The following VTA1 variants were observed in gnomAD, a reference collection of about 807,000 sequenced individuals.
VTA1 encodes vacuolar protein sorting-associated protein VTA1 homolog.
In VTA1, 24 loss-of-function variants were observed where a neutral mutation model predicts 36.9. The ratio of observed to expected loss-of-function variants is 0.65; its 90% CI spans 0.47 to 0.91. The LOEUF is 0.91. VTA1 is among the 40% of genes least tolerant of loss of function. VTA1 has a pLI of 0.00. For missense variants in VTA1, 393 were observed against 377.2 expected, an observed-to-expected ratio of 1.04 and a Z score of -0.35; for synonymous variants, 142 against 130.2, an observed-to-expected ratio of 1.09 and a Z score of -0.62.
At chr6:142,160,413 A>G (rs1245690592) in intron 1 of VTA1, among the ~76,000 whole-genome samples, 1 of 152,156 alleles carries the variant, frequency 6.6e-6, no homozygotes, top group African/African-American at 2.4e-5. Flanking sequence ...CCTGCACACC[A>G]TATGTTAGTA....
intron 5 of VTA1, among the ~76,000 whole-genome samples, chr6:142,197,045 A>G (rs1775565341): frequency 6.6e-6 from 1 of 152,166 alleles, no homozygotes; most frequent in African/African-American, 2.4e-5. Context: ...GACTGCCCTC[A>G]GATGAACAGC....
intron 5 of VTA1, among the ~76,000 whole-genome samples, chr6:142,195,197 T>C (rs576684095): frequency 6.6e-4 from 100 of 152,270 alleles, no homozygotes; most frequent in African/African-American, 2.3e-3. Context: ...AATTCACTGC[T>C]TATTCCATCT....
intron 1 of VTA1, among the ~76,000 whole-genome samples, chr6:142,159,043 G>T (rs939334172): frequency 6.6e-6 from 1 of 151,894 alleles, no homozygotes; most frequent in Non-Finnish European, 1.5e-5. Context: ...ATCATTTTCA[G>T]TACTCATCAA....
intron 1 of VTA1, among the ~76,000 whole-genome samples, chr6:142,153,046 A>G (rs1778596978): frequency 6.6e-6 from 1 of 152,096 alleles, no homozygotes; most frequent in Admixed American, 6.5e-5. Flanking sequence ...GCCCCTCATC[A>G]CATGTGTTAT....
intron 7 of VTA1, among the ~76,000 whole-genome samples, chr6:142,213,998 G>C (rs1349373908): frequency 6.6e-6 from 1 of 151,998 alleles, no homozygotes; most frequent in African/African-American, 2.4e-5. Context: ...CAGAAAACAG[G>C]GTTTTTTTTT....
chr6:142,189,496 C>T lies in VTA1; in HGVS notation c.482C>T (p.Thr161Ile). ...YIHNCLKNGE[T>I]PQAGPVGIEE... is the part of the protein sequence containing the mutation. ...CATAATTGTTTAAAGAATGGGGAGA[C>T]TCCTCAAGCAGGCCCTGTTGGAATT... The change falls in exon 5 of 8, where the codon ACT becomes ATT. Residue 161 changes from threonine (T) to isoleucine (I), a missense_variant. Thr to Ile is a moderately conservative substitution (Grantham distance 89). Coordinates refer to ENST00000367630, the MANE Select transcript of VTA1 (RefSeq NM_016485.5). The T allele has an allele frequency of 6.2e-7, 1 of 1,613,854 alleles. No individual in the cohort carries two copies. The highest frequency in any genetic ancestry group is 8.5e-7 in the Non-Finnish European group (1 of 1,179,894).
At chr6:142,177,559 T>G (rs191597799) in intron 4 of VTA1, among the ~76,000 whole-genome samples, 30 of 152,242 alleles carry the variant, frequency 2.0e-4, no homozygotes, top group Non-Finnish European at 7.4e-5. Context: ...TAGGAAGCCT[T>G]TATGAACTAG....
rs1465051617 is a variant in VTA1 at position 142,222,014 on chromosome 6, A to C, written c.*3371A>C. The C allele has an allele frequency of 6.6e-6, 1 of 151,658 alleles. No individual in the cohort carries two copies. The highest frequency in any genetic ancestry group is 1.5e-5 in the Non-Finnish European group (1 of 67,936). The allele number at this position is 151,658 out of a possible 1,614,324, so 9.4% of individuals were successfully genotyped here. A position where few individuals can be genotyped will look rare whatever the true frequency, so the allele number is the denominator to read the frequency against. On this transcript the variant is annotated 3_prime_UTR_variant, in exon 8 of 8. Transcript: ENST00000367630. Reference sequence around the variant, plus strand: ...ACAATAATCAAGGTGAGATATTATGATGTCTTAGTCCAGGAGTAGCCTTGG... The same window carrying C: ...ACAATAATCAAGGTGAGATATTATGCTGTCTTAGTCCAGGAGTAGCCTTGG...
chr6:142,173,762 G>C (rs1392578757), intron 4 of VTA1, among the ~76,000 whole-genome samples: 2 of 152,056 alleles, frequency 1.3e-5, no homozygotes, highest in African/African-American at 2.4e-5. Context: ...GAATAATCTA[G>C]GTTTACTTTT....
intron 7 of VTA1, among the ~76,000 whole-genome samples, chr6:142,211,686 G>C (rs1242632862): frequency 5.4e-5 from 8 of 149,136 alleles, no homozygotes; most frequent in Non-Finnish European, 1.2e-4. Flanking sequence ...AGTCCGGCCT[G>C]GGCGAAAGAG....
chr6:142,147,746 C>T (rs897428720), intron 1 of VTA1, among the ~76,000 whole-genome samples: 6 of 152,098 alleles, frequency 3.9e-5, no homozygotes, highest in Non-Finnish European at 8.8e-5. Context: ...AGGTTTAAAA[C>T]GAAGGTGAGT....
chr6:142,204,932 C>T, intron 7 of VTA1, among the ~76,000 whole-genome samples: 1 of 151,238 alleles, frequency 6.6e-6, no homozygotes, highest in East Asian at 1.9e-4. Context: ...ACCATGTTGG[C>T]CAGGGATGGT....
intron 1 of VTA1, among the ~76,000 whole-genome samples, chr6:142,157,312 G>A (rs225636): frequency 0.39 from 59,403 of 152,018 alleles, 12,243 homozygotes; most frequent in Middle Eastern, 0.53. Context: ...CTGAATGATA[G>A]ACTAGAGTCT....
At chr6:142,205,246 A>T (rs1219107970) in intron 7 of VTA1, among the ~76,000 whole-genome samples, 1 of 152,092 alleles carries the variant, frequency 6.6e-6, no homozygotes, top group African/African-American at 2.4e-5. Flanking sequence ...TTTTAGGGAG[A>T]TGCTCTTTAA....
intron 2 of VTA1, among the ~76,000 whole-genome samples, chr6:142,167,071 T>C (rs1374619442): frequency 6.6e-6 from 1 of 152,184 alleles, no homozygotes; most frequent in Non-Finnish European, 1.5e-5. Context: ...TATCCTTTCT[T>C]CCTCCCTCTC....
At chr6:142,165,348 A>G (rs225654) in intron 1 of VTA1, among the ~76,000 whole-genome samples, 55,284 of 152,048 alleles carry the variant, frequency 0.36, 11,346 homozygotes, top group Middle Eastern at 0.53. Flanking sequence ...CTATGACCCA[A>G]GAATCTCACC....
intron 4 of VTA1, among the ~76,000 whole-genome samples, chr6:142,181,116 T>TATATATATATAC (rs753996612): frequency 1.4e-3 from 123 of 86,994 alleles, no homozygotes; most frequent in Non-Finnish European, 2.4e-3. Flanking sequence ...TATATATATA[T>TATATATATATAC]ACACACACAC....
intron 4 of VTA1, among the ~76,000 whole-genome samples, 191 bp downstream of exon 4, chr6:142,170,612 G>T (rs1335502051): frequency 6.6e-6 from 1 of 151,912 alleles, no homozygotes; most frequent in Non-Finnish European, 1.5e-5. Context: ...TTTTAATTTT[G>T]TACTAAGTTC....
intron 5 of VTA1, 136 bp downstream of exon 5, chr6:142,189,670 C>A (rs1227823503): frequency 2.4e-5 from 15 of 626,706 alleles, no homozygotes; most frequent in Non-Finnish European, 2.9e-5. Flanking sequence ...AGTATAAAAT[C>A]ATAAACTTAG....
Sources: gnomAD v4.1 joint callset for allele counts (sites outside exome capture counted in the v4.1 genomes callset) on GRCh38, gnomAD v4.1.1 for gene constraint, MANE v1.5 for transcripts, NCBI Gene and HGNC (gene_info 2026-07-23, HGNC 2026-07-21) for gene names.